The following NEB variants were observed in gnomAD, a reference collection of about 807,000 sequenced individuals.
The protein encoded by NEB is nebulin.
A neutral mutation model predicts 952.2 loss-of-function variants in NEB; 512 were observed. That is an observed-to-expected ratio of 0.54 (90% CI 0.50 to 0.58). The LOEUF (loss-of-function observed/expected upper bound fraction) is 0.58, where lower values mean the gene tolerates loss of function less well. Ranked by LOEUF, NEB falls within the 20% of genes least tolerant of loss-of-function variation. The pLI, the probability that NEB is intolerant of heterozygous loss-of-function variation, is 0.00. For synonymous variants in NEB, 2,900 were observed against 3,149.8 expected (o/e 0.92, Z 2.66); for missense variants, 8,428 against 9,231.1 (o/e 0.91, Z 3.56).
intron 65 of NEB, 121 bp from the exon 66 acceptor site, chr2:151,631,467 G>C: frequency 2.8e-6 from 3 of 1,070,128 alleles, no homozygotes; most frequent in Non-Finnish European, 3.9e-6. Context: ...CAAGCGCGTT[G>C]TATAAGGCAA....
intron 18 of NEB, among the ~76,000 whole-genome samples, 193 bp downstream of exon 18, chr2:151,695,385 A>G (rs1363373714): frequency 6.6e-6 from 1 of 152,216 alleles, no homozygotes; most frequent in Non-Finnish European, 1.5e-5. Flanking sequence ...GTATGAAATT[A>G]CTTATAAGAT....
intron 10 of NEB, 25 bp from the exon 11 acceptor site, chr2:151,710,563 G>A (rs767086597): frequency 1.0e-4 from 150 of 1,431,534 alleles, no homozygotes; most frequent in Non-Finnish European, 1.5e-4. Flanking sequence ...AAGAAAATAA[G>A]ACAAGCATAA....
chr2:151,676,768 T>C (rs2099363464), intron 34 of NEB, among the ~76,000 whole-genome samples: 1 of 152,166 alleles, frequency 6.6e-6, no homozygotes, highest in African/African-American at 2.4e-5. Flanking sequence ...CCTGCGGCAT[T>C]TGTCTCTCTG....
In NEB at chr2:151,631,293, A is replaced by G. The variant is rs751747575; in HGVS notation, c.9468T>C (p.Ile3156=). The G allele has an allele frequency of 5.2e-5, 84 of 1,613,714 alleles. No individual in the cohort carries two copies. The highest frequency in any genetic ancestry group is 6.9e-5 in the Non-Finnish European group (81 of 1,179,838). ...TGCACTTGACCACATCCATAGACCC[A>G]ATGGGGACCCAGCCAATGCCTCTCA... ...QWLRGIGWVP[I]GSMDVVKCKR... The change falls in exon 66 of 182, where the codon ATT becomes ATC. Residue 3156 remains isoleucine (I), a synonymous_variant. Transcript: ENST00000397345.
chr2:151,520,789 G>A (rs968387906), intron 153 of NEB, among the ~76,000 whole-genome samples: 10 of 152,124 alleles, frequency 6.6e-5, no homozygotes, highest in African/African-American at 2.2e-4. Flanking sequence ...ACTTGAGCCC[G>A]GGAGGTGGAG....
chr2:151,518,426 A>C lies in NEB; in HGVS notation c.22696-4T>G, dbSNP rs1318399548. On this transcript the variant is annotated splice_region_variant and splice_polypyrimidine_tract_variant and intron_variant, in intron 155 of 181. Coordinates refer to ENST00000397345, the MANE Select transcript of NEB (RefSeq NM_001164508.2). ...CATACTTCTTCTTGTACTGGTACTG[A>C]GGGGAAGGCGGCAAAAAAGGCACAT... is the stretch of plus-strand genomic sequence containing the variant. The C allele has an allele frequency of 6.3e-7, 1 of 1,578,232 alleles. No individual in the cohort carries two copies. The highest frequency in any genetic ancestry group is 8.7e-7 in the Non-Finnish European group (1 of 1,150,460).
intron 52 of NEB, among the ~76,000 whole-genome samples, chr2:151,653,349 G>A (rs1038176888): frequency 4.6e-5 from 7 of 152,106 alleles, no homozygotes; most frequent in Non-Finnish European, 8.8e-5. Flanking sequence ...CCTAAATAGA[G>A]ACAATACCTA....
At position 151,540,650 on chromosome 2, in the gene NEB, G is replaced by C. The variant is rs145062151; in HGVS notation, c.20787+47C>G. On this transcript the variant is annotated intron_variant, in intron 137 of 181. Coordinates refer to ENST00000397345, the MANE Select transcript of NEB (RefSeq NM_001164508.2). ...GGTAGCAGGGGAAGGTTTTAACAAA[G>C]TATTTTTCTTTTTACCCAGTGCCTC... The C allele has an allele frequency of 1.6e-5, 24 of 1,527,238 alleles. No individual in the cohort carries two copies. The African/African-American group carries it at 2.9e-4, about 18-fold the overall frequency. The allele number at this position is 1,527,238 out of a possible 1,614,324, so 94.6% of individuals were successfully genotyped here. A position where few individuals can be genotyped will look rare whatever the true frequency, so the allele number is the denominator to read the frequency against.
chr2:151,537,947 C>G lies in NEB; in HGVS notation c.21027G>C (p.Gln7009His). 1 of 1,613,518 alleles carries G rather than the reference C, an allele frequency of 6.2e-7. No individual in the cohort carries two copies. Among genetic ancestry groups the G allele is most frequent in the Non-Finnish European group, 8.5e-7 (1 of 1,179,586 alleles). The change falls in exon 140 of 182, where the codon CAG (glutamine) becomes CAC (histidine). Residue 7009 changes from glutamine to histidine, a missense_variant. Coordinates refer to ENST00000397345, the MANE Select transcript of NEB (RefSeq NM_001164508.2). ...KIKYKENYMSQLGIWRSIPDR... is the reference protein window; with the variant it reads ...KIKYKENYMSHLGIWRSIPDR... ...CAGGAATGGACCTCCAGATACCCAACTGGCTCATGTAGTTCTCCTTGTATT... is the reference window on the plus strand; with the variant it reads ...CAGGAATGGACCTCCAGATACCCAAGTGGCTCATGTAGTTCTCCTTGTATT...
Position 151,643,834 on chromosome 2 carries a change from T to C in NEB, c.7940A>G (p.Tyr2647Cys). ...QSDVIHARQAYDLQSDNLYKS... is the reference protein window; with the variant it reads ...QSDVIHARQACDLQSDNLYKS... ...TAGACTCACATCGCTCTGGAGGTCA[T>C]AGGCCTGCCGAGCATGGATGACATC... Residue 2647 changes from tyrosine to cysteine, a missense_variant, in exon 57 of 182, where the codon TAT becomes TGT. Tyr to Cys is a radical substitution (Grantham distance 194). Around this residue, in one of 11 missense-constraint regions of NEB, gnomAD observed 1,772 missense variants for 1,960.3 expected, o/e 0.90. Transcript: ENST00000397345. The C allele has an allele frequency of 6.2e-7, 1 of 1,613,650 alleles. No homozygotes were observed. Among genetic ancestry groups the C allele is most frequent in the Non-Finnish European group, 8.5e-7 (1 of 1,179,558 alleles).
chr2:151,509,096 A>G (rs961867353), intron 161 of NEB, among the ~76,000 whole-genome samples: 12 of 152,174 alleles, frequency 7.9e-5, no homozygotes, highest in Admixed American at 4.6e-4. Context: ...GTCTGTCTCT[A>G]TGTACTTTGT....
At chr2:151,538,309 AG>A in intron 138 of NEB, 65 bp from the exon 139 acceptor site, 1 of 1,197,578 alleles carries the variant, frequency 8.4e-7, no homozygotes, top group Admixed American at 1.7e-5. Flanking sequence ...AGCTCTTTTA[AG>A]CATGAACTCT....
In NEB at chr2:151,666,499, G is replaced by T. The variant is rs2099218817; in HGVS notation, c.4720-98C>A. ...ATTAAGCAAAAGCCAACTTCAGTCT[G>T]AATCTAGGTAACATCGAAGTTTTTT... is the stretch of plus-strand genomic sequence containing the variant. On this transcript the variant is annotated intron_variant, in intron 40 of 181. Transcript: ENST00000397345. 23 of 1,196,078 alleles carry T rather than the reference G, an allele frequency of 1.9e-5. No homozygotes were observed. In the South Asian group the frequency reaches 3.3e-4, roughly 17 times the overall value. The allele number at this position is 1,196,078 out of a possible 1,614,324, so 74.1% of individuals were successfully genotyped here. A position where few individuals can be genotyped will look rare whatever the true frequency, so the allele number is the denominator to read the frequency against.
At chr2:151,618,234 TG>T in intron 74 of NEB, 40 bp downstream of exon 74, 1 of 1,542,052 alleles carries the variant, frequency 6.5e-7, no homozygotes, top group South Asian at 1.1e-5. Flanking sequence ...AATTGTTCTG[TG>T]GTAACTTTCG....
Position 151,664,869 on chromosome 2 carries a change from A to T in NEB, c.5239-6T>A. On this transcript the variant is annotated splice_region_variant and splice_polypyrimidine_tract_variant and intron_variant, in intron 42 of 181. Coordinates refer to ENST00000397345, the MANE Select transcript of NEB (RefSeq NM_001164508.2). ...CATTTTTCAGTGTAGAGCCTCTGCA[A>T]TGAGAAAGTCAGGTGCATGATTTTA... The T allele has an allele frequency of 2.5e-6, 4 of 1,596,072 alleles. No individual in the cohort carries two copies. The highest frequency in any genetic ancestry group is 2.6e-6 in the Non-Finnish European group (3 of 1,166,540).
chr2:151,575,389 GTTAA>G (rs1335042732), intron 107 of NEB, among the ~76,000 whole-genome samples: 1 of 152,078 alleles, frequency 6.6e-6, no homozygotes, highest in Non-Finnish European at 1.5e-5. Flanking sequence ...TGAGTCTATC[GTTAA>G]TTCTCTTTTC....
intron 48 of NEB, among the ~76,000 whole-genome samples, chr2:151,656,860 C>CA (rs1166768399): frequency 1.3e-5 from 2 of 149,198 alleles, no homozygotes; most frequent in Admixed American, 6.6e-5. Flanking sequence ...AAAAAAAAGG[C>CA]AAAAAAACAG....
chr2:151,613,622 C>T (rs2098094118), intron 77 of NEB, among the ~76,000 whole-genome samples: 1 of 152,142 alleles, frequency 6.6e-6, no homozygotes, highest in Non-Finnish European at 1.5e-5. Flanking sequence ...GCATCTTCAT[C>T]CAGATCTCAT....
At chr2:151,491,838 A>C in intron 178 of NEB, 63 bp from the exon 179 acceptor site, 1 of 1,345,494 alleles carries the variant, frequency 7.4e-7, no homozygotes, top group Admixed American at 2.1e-5. Context: ...TTGAAAACCA[A>C]GGCATGAATT....
Sources: allele counts gnomAD v4.1 joint callset (sites outside exome capture counted in the v4.1 genomes callset), GRCh38; gene constraint gnomAD v4.1.1; regional missense constraint gnomAD v4.1.1; transcripts MANE v1.5; gene names NCBI Gene and HGNC (gene_info 2026-07-23, HGNC 2026-07-21).